ADAMTSL1: variants seen among roughly 807,000 people sequenced by gnomAD.
The protein encoded by ADAMTSL1 is ADAMTS-like protein 1.
Under a neutral mutation model 201.8 loss-of-function variants are expected in ADAMTSL1, and 126 were observed. That is an observed-to-expected ratio of 0.62 (90% CI 0.54 to 0.72). The LOEUF is 0.72. ADAMTSL1 is among the 30% of genes least tolerant of loss of function. The pLI is 0.00. For missense variants in ADAMTSL1, 2,679 were observed against 2,277.8 expected (o/e 1.18, Z -3.59); for synonymous variants, 1,121 against 903.4 (o/e 1.24, Z -4.32).
chr9:18,686,649 C>T (rs902377287), intron 13 of ADAMTSL1, among the ~76,000 whole-genome samples: 6 of 152,278 alleles, frequency 3.9e-5, no homozygotes, highest in African/African-American at 1.2e-4. Flanking sequence ...CCCTTGTACA[C>T]TGTATTTTGT....
At chr9:18,261,796 A>G (rs571725700) in intron 2 of ADAMTSL1, among the ~76,000 whole-genome samples, 51 of 152,306 alleles carry the variant, frequency 3.3e-4, no homozygotes, top group Non-Finnish European at 7.1e-4. Context: ...CACGCATATC[A>G]TATGTGTTTT....
At chr9:18,293,829 C>G (rs1226101308) in intron 2 of ADAMTSL1, among the ~76,000 whole-genome samples, 1 of 152,092 alleles carries the variant, frequency 6.6e-6, no homozygotes, top group Non-Finnish European at 1.5e-5. Flanking sequence ...ATAGACTATA[C>G]AACTGAAGGA....
intron 3 of ADAMTSL1, among the ~76,000 whole-genome samples, chr9:18,533,698 G>A (rs984722178): frequency 2.0e-5 from 3 of 152,162 alleles, no homozygotes; most frequent in Non-Finnish European, 4.4e-5. Context: ...CCAACTATGT[G>A]TGAGGCACTA....
At chr9:18,695,920 G>A (rs1461089287) in intron 13 of ADAMTSL1, among the ~76,000 whole-genome samples, 1 of 152,206 alleles carries the variant, frequency 6.6e-6, no homozygotes, top group Non-Finnish European at 1.5e-5. Flanking sequence ...GGTGGTACAG[G>A]AGCCATGGCT....
chr9:18,201,679 A>G (rs139643146), intron 2 of ADAMTSL1, among the ~76,000 whole-genome samples: 131 of 152,200 alleles, frequency 8.6e-4, no homozygotes, highest in African/African-American at 3.1e-3. Context: ...GAATAAAACC[A>G]TTTTACTCTG....
chr9:18,243,011 A>G lies in ADAMTSL1; in HGVS notation c.207+79030A>G, dbSNP rs567703515. Reference sequence around the variant, plus strand: ...ACAGTCCTAAAATTCATATGGAACCATAAAAGACCCTGAATAGCCAAAATG... The same window carrying G: ...ACAGTCCTAAAATTCATATGGAACCGTAAAAGACCCTGAATAGCCAAAATG... On this transcript the variant is annotated intron_variant, in intron 2 of 29. Coordinates refer to the ADAMTSL1 transcript ENST00000680146. 5.4e-4 allele frequency among the ~76,000 whole-genome samples: 82 copies of G among 152,294 alleles called. 2 individuals are homozygous for G. In the South Asian group the frequency reaches 0.015, roughly 28 times the overall value.
At chr9:18,267,604 C>T (rs984138868) in intron 2 of ADAMTSL1, among the ~76,000 whole-genome samples, 1 of 152,056 alleles carries the variant, frequency 6.6e-6, no homozygotes. Flanking sequence ...TCTACGAAAA[C>T]TGAAGAAAGA....
intron 3 of ADAMTSL1, among the ~76,000 whole-genome samples, chr9:18,554,668 G>A: frequency 2.2e-5 from 1 of 45,806 alleles, no homozygotes; most frequent in African/African-American, 2.4e-4. Flanking sequence ...GGATCTGAGT[G>A]GTTTTTTTTT....
intron 2 of ADAMTSL1, among the ~76,000 whole-genome samples, chr9:18,398,007 T>C (rs1232155358): frequency 6.6e-6 from 1 of 152,186 alleles, no homozygotes; most frequent in Non-Finnish European, 1.5e-5. Flanking sequence ...ATTGTCTTGC[T>C]CAGGGCAGTG....
At chr9:18,474,478 A>G (rs1052886448) in intron 1 of ADAMTSL1, among the ~76,000 whole-genome samples, 183 bp downstream of exon 1, 5 of 152,164 alleles carry the variant, frequency 3.3e-5, no homozygotes, top group African/African-American at 1.2e-4. Flanking sequence ...CAACTTCCCA[A>G]GCAAGATAAA....
At chr9:18,074,046 T>C (rs1586987793) in intron 1 of ADAMTSL1, among the ~76,000 whole-genome samples, 1 of 151,434 alleles carries the variant, frequency 6.6e-6, no homozygotes, top group African/African-American at 2.4e-5. Context: ...CAGTGAACGG[T>C]CTAATTTTGG....
At chr9:18,634,556 A>C (rs1826977596) in intron 5 of ADAMTSL1, among the ~76,000 whole-genome samples, 1 of 151,328 alleles carries the variant, frequency 6.6e-6, no homozygotes, top group African/African-American at 2.4e-5. Context: ...AATAATAATA[A>C]GGGCTGAGTG....
intron 4 of ADAMTSL1, among the ~76,000 whole-genome samples, chr9:18,598,051 C>G (rs1482649855): frequency 1.3e-5 from 2 of 152,098 alleles, no homozygotes; most frequent in Admixed American, 1.3e-4. Flanking sequence ...CAAGAGAACA[C>G]TTAAGATTCT....
intron 23 of ADAMTSL1, among the ~76,000 whole-genome samples, chr9:18,865,157 A>G (rs1339206858): frequency 2.0e-5 from 3 of 152,124 alleles, no homozygotes; most frequent in African/African-American, 7.2e-5. Context: ...GTCATTTAAC[A>G]TTAGGTATAT....
At chr9:18,291,430 T>C (rs1833257341) in intron 2 of ADAMTSL1, among the ~76,000 whole-genome samples, 1 of 152,142 alleles carries the variant, frequency 6.6e-6, no homozygotes, top group Non-Finnish European at 1.5e-5. Context: ...TCTGGTATGC[T>C]AGGCACTATT....
chr9:18,895,291 A>G (rs1341614732), intron 26 of ADAMTSL1, among the ~76,000 whole-genome samples: 2 of 152,208 alleles, frequency 1.3e-5, no homozygotes, highest in Non-Finnish European at 2.9e-5. Context: ...AAACAACTAG[A>G]CACTGGCTAA....
At chr9:18,491,308 A>C (rs1822261144) in intron 1 of ADAMTSL1, among the ~76,000 whole-genome samples, 2 of 152,202 alleles carry the variant, frequency 1.3e-5, no homozygotes, top group South Asian at 4.1e-4. Context: ...TGGTAATTCT[A>C]ACACTGCCTG....
intron 3 of ADAMTSL1, among the ~76,000 whole-genome samples, chr9:18,569,617 T>C (rs1318636771): frequency 6.6e-6 from 1 of 152,176 alleles, no homozygotes; most frequent in African/African-American, 2.4e-5. Context: ...TGGGAGTCTG[T>C]AGTCCTGTGC....
At chr9:18,081,261 G>A (rs1823487620) in intron 1 of ADAMTSL1, among the ~76,000 whole-genome samples, 1 of 152,146 alleles carries the variant, frequency 6.6e-6, no homozygotes, top group African/African-American at 2.4e-5. Flanking sequence ...ATCAAGTCTA[G>A]TGTGTATGCT....
Sources: allele counts gnomAD v4.1 joint callset (sites outside exome capture counted in the v4.1 genomes callset), GRCh38; gene constraint gnomAD v4.1.1; transcripts MANE v1.5; gene names NCBI Gene and HGNC (gene_info 2026-07-23, HGNC 2026-07-21).